Variants in LYN observed in about 807,000 individuals in gnomAD.
The protein encoded by LYN is LYN proto-oncogene, Src family tyrosine kinase, also known as tyrosine-protein kinase Lyn.
Under a neutral mutation model 65.0 loss-of-function variants are expected in LYN, and 12 were observed. The observed-to-expected ratio is 0.18, with a 90% CI of 0.12 to 0.30. The LOEUF is 0.30. Among genes scored for constraint, LYN ranks in the 10% least tolerant of loss-of-function variants. The pLI is 1.00. For missense variants in LYN, 380 were observed against 623.2 expected, an observed-to-expected ratio of 0.61 and a Z score of 4.16; for synonymous variants, 222 against 221.2, an observed-to-expected ratio of 1.00 and a Z score of -0.03.
At chr8:55,973,325 A>G (rs1807661849) in intron 10 of LYN, among the ~76,000 whole-genome samples, 1 of 152,142 alleles carries the variant, frequency 6.6e-6, no homozygotes, top group Non-Finnish European at 1.5e-5. Flanking sequence ...ACACTCTCCA[A>G]CCATCCATAG....
At chr8:56,000,424 G>A (rs972021575) in intron 12 of LYN, among the ~76,000 whole-genome samples, 34 of 151,908 alleles carry the variant, frequency 2.2e-4, no homozygotes, top group Middle Eastern at 3.4e-3. Flanking sequence ...GTCTGTGCTG[G>A]CATGGTTAAG....
intron 1 of LYN, among the ~76,000 whole-genome samples, chr8:55,938,786 A>G (rs942761413): frequency 2.0e-5 from 3 of 152,222 alleles, no homozygotes; most frequent in African/African-American, 7.2e-5. Flanking sequence ...ATTGTATGGC[A>G]AAGTGGTAAG....
chr8:55,972,509 T>A (rs1392010189), intron 10 of LYN, among the ~76,000 whole-genome samples: 1 of 152,160 alleles, frequency 6.6e-6, no homozygotes, highest in Admixed American at 6.5e-5. Context: ...CCACTTCTAG[T>A]TTCTGCTCAC....
chr8:55,899,110 T>C (rs1805192627), intron 1 of LYN, among the ~76,000 whole-genome samples: 1 of 152,228 alleles, frequency 6.6e-6, no homozygotes, highest in Non-Finnish European at 1.5e-5. Context: ...TTTACAATGA[T>C]GCCAGCACAG....
chr8:55,968,500 G>T (rs1444642568), intron 9 of LYN, among the ~76,000 whole-genome samples: 7 of 152,160 alleles, frequency 4.6e-5, no homozygotes, highest in Non-Finnish European at 1.0e-4. Flanking sequence ...CAGGTGATCT[G>T]CCTGCCTTGG....
At chr8:55,946,320 GTTCT>G in intron 2 of LYN, 124 bp from the exon 3 acceptor site, 4 of 720,694 alleles carry the variant, frequency 5.6e-6, no homozygotes, top group Non-Finnish European at 1.0e-5. Context: ...CTGTGCTCCT[GTTCT>G]TTCTGACTTA....
At chr8:55,988,926 C>T (rs1808161378) in intron 10 of LYN, among the ~76,000 whole-genome samples, 1 of 152,028 alleles carries the variant, frequency 6.6e-6, no homozygotes, top group Admixed American at 6.5e-5. Context: ...GCAAGATAGC[C>T]TTGCTTGTCT....
intron 12 of LYN, among the ~76,000 whole-genome samples, chr8:56,000,168 A>T (rs113296227): frequency 7.9e-5 from 12 of 152,128 alleles, no homozygotes; most frequent in African/African-American, 2.9e-4. Context: ...GGCTCCTCCA[A>T]GGCAGTCCCC....
At chr8:55,966,129 T>C (rs1408569874) in intron 8 of LYN, among the ~76,000 whole-genome samples, 1 of 152,000 alleles carries the variant, frequency 6.6e-6, no homozygotes, top group Non-Finnish European at 1.5e-5. Context: ...AGTCTAAAAA[T>C]AAATAAATAA....
intron 3 of LYN, among the ~76,000 whole-genome samples, chr8:55,946,916 A>G (rs1039409914): frequency 6.6e-6 from 1 of 152,208 alleles, no homozygotes; most frequent in Non-Finnish European, 1.5e-5. Context: ...AAGTGTTAGA[A>G]TTTATTTCCT....
chr8:55,914,421 A>G (rs1299061708), intron 1 of LYN, among the ~76,000 whole-genome samples: 1 of 152,092 alleles, frequency 6.6e-6, no homozygotes, highest in African/African-American at 2.4e-5. Flanking sequence ...GGAAGAAGAA[A>G]AAAGGAGAAG....
intron 1 of LYN, among the ~76,000 whole-genome samples, chr8:55,896,497 C>A (rs576409939): frequency 6.6e-6 from 1 of 151,740 alleles, no homozygotes; most frequent in South Asian, 2.1e-4. Context: ...CACACCGGGG[C>A]CTGTCGGGGG....
intron 6 of LYN, among the ~76,000 whole-genome samples, chr8:55,951,212 T>G (rs540282821): frequency 1.3e-5 from 2 of 151,790 alleles, no homozygotes; most frequent in Non-Finnish European, 2.9e-5. Context: ...CACTGCACTC[T>G]AACTAGCCTG....
intron 1 of LYN, among the ~76,000 whole-genome samples, chr8:55,915,150 A>G (rs981470331): frequency 4.6e-5 from 7 of 152,064 alleles, no homozygotes; most frequent in Non-Finnish European, 1.5e-5. Context: ...CTTTTATTTC[A>G]GTTTCCATCG....
intron 1 of LYN, among the ~76,000 whole-genome samples, chr8:55,922,906 T>A (rs1376752990): frequency 6.6e-6 from 1 of 152,086 alleles, no homozygotes; most frequent in Non-Finnish European, 1.5e-5. Flanking sequence ...GTTGTAGCAA[T>A]TAATATTAGG....
chr8:55,882,773 G>A (rs1223913282), intron 1 of LYN, among the ~76,000 whole-genome samples: 1 of 152,234 alleles, frequency 6.6e-6, no homozygotes, highest in African/African-American at 2.4e-5. Flanking sequence ...ATAGGATGGA[G>A]AGGGACAGAT....
intron 10 of LYN, among the ~76,000 whole-genome samples, chr8:55,977,651 G>A (rs1055219841): frequency 1.3e-5 from 2 of 151,780 alleles, no homozygotes; most frequent in African/African-American, 4.8e-5. Flanking sequence ...AGTGGCTCAT[G>A]CCTGTAATCC....
At chr8:55,895,411 G>C (rs940722833) in intron 1 of LYN, among the ~76,000 whole-genome samples, 13 of 151,666 alleles carry the variant, frequency 8.6e-5, no homozygotes, top group African/African-American at 3.1e-4. Flanking sequence ...TAACACTGTA[G>C]TAGCTAATGA....
intron 9 of LYN, among the ~76,000 whole-genome samples, chr8:55,969,481 A>C (rs1807548769): frequency 6.6e-6 from 1 of 152,136 alleles, no homozygotes; most frequent in African/African-American, 2.4e-5. Context: ...AGTGGTATCC[A>C]CCCACATTCT....
Sources: allele counts gnomAD v4.1 joint callset (sites outside exome capture counted in the v4.1 genomes callset), GRCh38; gene constraint gnomAD v4.1.1; transcripts MANE v1.5; gene names NCBI Gene and HGNC (gene_info 2026-07-23, HGNC 2026-07-21).